Variants in SCARA3 observed in about 807,000 individuals in gnomAD.
The protein encoded by SCARA3 is scavenger receptor class A member 3, also known as cellular stress response gene protein.
SCARA3 carries 39 observed loss-of-function variants against 47.0 expected under a neutral mutation model. That is an observed-to-expected ratio of 0.83 (90% CI 0.64 to 1.08). SCARA3 has a LOEUF of 1.08. Among genes scored for constraint, SCARA3 ranks in the 50% least tolerant of loss-of-function variants. The pLI is 0.00. For missense variants in SCARA3, 724 were observed against 792.3 expected, an observed-to-expected ratio of 0.91 and a Z score of 1.04; for synonymous variants, 356 against 334.1, an observed-to-expected ratio of 1.07 and a Z score of -0.71.
At chr8:27,662,508 G>C (rs939954176) in intron 5 of SCARA3, among the ~76,000 whole-genome samples, 1 of 152,218 alleles carries the variant, frequency 6.6e-6, no homozygotes, top group African/African-American at 2.4e-5. Flanking sequence ...GCATGACTGT[G>C]GATAAGGCAT....
At chr8:27,686,667 G>A in the SCARA3 span, among the ~76,000 whole-genome samples, 1 of 152,062 alleles carries the variant, frequency 6.6e-6, no homozygotes, top group African/African-American at 2.4e-5. Flanking sequence ...TATTGCTCTG[G>A]GCTTAAATCC....
At chr8:27,694,155 T>G in the SCARA3 span, among the ~76,000 whole-genome samples, 1 of 152,244 alleles carries the variant, frequency 6.6e-6, no homozygotes, top group Non-Finnish European at 1.5e-5. Context: ...CTTGGACATG[T>G]TGCCTTTGCC....
At chr8:27,653,676 G>A (rs1341434882) in intron 3 of SCARA3, among the ~76,000 whole-genome samples, 15 of 151,824 alleles carry the variant, frequency 9.9e-5, no homozygotes, top group Admixed American at 9.9e-4. Flanking sequence ...CCAGAGGGTT[G>A]GGAAAATCAG....
At chr8:27,729,732 A>G in the SCARA3 span, among the ~76,000 whole-genome samples, 1 of 152,180 alleles carries the variant, frequency 6.6e-6, no homozygotes, top group South Asian at 2.1e-4. Context: ...CGAAAGTTAC[A>G]GTGAGCTGAG....
chr8:27,635,608 CCA>C (rs1462576802), intron 1 of SCARA3, among the ~76,000 whole-genome samples: 1 of 133,718 alleles, frequency 7.5e-6, no homozygotes, highest in Non-Finnish European at 1.6e-5. Flanking sequence ...CAGGTGTGCA[CCA>C]CCATGCATGG....
chr8:27,704,790 G>A, the SCARA3 span, among the ~76,000 whole-genome samples: 1 of 152,226 alleles, frequency 6.6e-6, no homozygotes, highest in East Asian at 1.9e-4. Context: ...AAGACACTGG[G>A]CACCTCATTT....
the SCARA3 span, among the ~76,000 whole-genome samples, chr8:27,719,537 T>TAAAAAAAAAAAA: frequency 7.2e-6 from 1 of 139,684 alleles, no homozygotes. Flanking sequence ...AAATAAAAGT[T>TAAAAAAAAAAAA]AAAAAAAAAA....
chr8:27,695,962 G>A, the SCARA3 span, among the ~76,000 whole-genome samples: 5 of 151,294 alleles, frequency 3.3e-5, no homozygotes, highest in Middle Eastern at 3.2e-3. Context: ...AACAAAAATT[G>A]CACTTATGCA....
the SCARA3 span, among the ~76,000 whole-genome samples, chr8:27,692,109 C>T: frequency 6.6e-6 from 1 of 152,136 alleles, no homozygotes; most frequent in Admixed American, 6.5e-5. Context: ...GCACAACCAC[C>T]AGCATTAACA....
At chr8:27,694,959 G>T in the SCARA3 span, among the ~76,000 whole-genome samples, 5 of 152,190 alleles carry the variant, frequency 3.3e-5, no homozygotes, top group Non-Finnish European at 7.3e-5. Flanking sequence ...TTTGGGTCAC[G>T]CATGGGGTCT....
intron 2 of SCARA3, 56 bp from the exon 3 acceptor site, chr8:27,651,452 T>G: frequency 6.3e-7 from 1 of 1,589,492 alleles, no homozygotes; most frequent in Non-Finnish European, 8.5e-7. Flanking sequence ...AACTGACCCT[T>G]CAGCTCCAAC....
At chr8:27,652,735 G>A (rs1345011689) in intron 3 of SCARA3, among the ~76,000 whole-genome samples, 1 of 152,228 alleles carries the variant, frequency 6.6e-6, no homozygotes, top group East Asian at 1.9e-4. Context: ...GGAACACTGA[G>A]TTGTGTCAAT....
intron 1 of SCARA3, among the ~76,000 whole-genome samples, chr8:27,643,064 A>C (rs1303278474): frequency 6.6e-6 from 1 of 152,238 alleles, no homozygotes; most frequent in Non-Finnish European, 1.5e-5. Context: ...CGGGGTTGTC[A>C]CAATGACCAG....
At chr8:27,646,877 G>T (rs773851352) in intron 1 of SCARA3, among the ~76,000 whole-genome samples, 1 of 150,514 alleles carries the variant, frequency 6.6e-6, no homozygotes, top group Non-Finnish European at 1.5e-5. Context: ...AGCTGAAAGT[G>T]CTTCTTAGGA....
the SCARA3 span, among the ~76,000 whole-genome samples, chr8:27,732,149 C>T: frequency 6.6e-6 from 1 of 152,194 alleles, no homozygotes; most frequent in Non-Finnish European, 1.5e-5. Context: ...AATGTCAGGC[C>T]ATTTGTCTTA....
intron 5 of SCARA3, among the ~76,000 whole-genome samples, chr8:27,664,823 A>G (rs1801983068): frequency 6.6e-6 from 1 of 152,130 alleles, no homozygotes; most frequent in Non-Finnish European, 1.5e-5. Flanking sequence ...TGGAGAGCAA[A>G]ACGGGGCATC....
Position 27,634,134 on chromosome 8 carries a change from C to A in SCARA3, c.-67C>A. ...TCCGCGCCCTGGAGGATCCGCCGGC[C>A]GCCCGGCTCCACTACAGCTCCAGCC... On this transcript the variant is annotated 5_prime_UTR_variant, in exon 1 of 6. Transcript: ENST00000301904. The A allele has an allele frequency of 7.0e-7, 1 of 1,422,838 alleles. No homozygotes were observed. The highest frequency in any genetic ancestry group is 1.5e-5 in the South Asian group (1 of 66,648). 88.1% of individuals were successfully genotyped at this position (1,422,838 alleles called of 1,614,324 possible). A position where few individuals can be genotyped will look rare whatever the true frequency, so the allele number is the denominator to read the frequency against.
In SCARA3 at chr8:27,672,324, T is replaced by C; in HGVS notation, c.*973T>C. 3.0e-6 allele frequency: 3 copies of C among 985,474 alleles called. No individual in the cohort carries two copies. The highest frequency in any genetic ancestry group is 3.6e-6 in the Non-Finnish European group (3 of 829,954). The allele number at this position is 985,474 out of a possible 1,614,324, so 61.0% of individuals were successfully genotyped here. A position where few individuals can be genotyped will look rare whatever the true frequency, so the allele number is the denominator to read the frequency against. On this transcript the variant is annotated 3_prime_UTR_variant, in exon 6 of 6. Coordinates refer to ENST00000301904, the MANE Select transcript of SCARA3 (RefSeq NM_016240.3). ...GAGTTTCATCTGCATGGGGGCACTC[T>C]GCAGGCCCTGGAACATTGGGCCTGA... is the stretch of plus-strand genomic sequence containing the variant.
the SCARA3 span, among the ~76,000 whole-genome samples, chr8:27,690,431 C>T: frequency 3.9e-5 from 6 of 152,246 alleles, no homozygotes; most frequent in African/African-American, 1.2e-4. Flanking sequence ...ACACACATGA[C>T]GTGATGTATG....
Sources: gnomAD v4.1 joint callset for allele counts (sites outside exome capture counted in the v4.1 genomes callset) on GRCh38, gnomAD v4.1.1 for gene constraint, MANE v1.5 for transcripts, NCBI Gene and HGNC (gene_info 2026-07-23, HGNC 2026-07-21) for gene names.